The following TYW1B variants were observed in gnomAD, a reference collection of about 807,000 sequenced individuals.
The protein encoded by TYW1B is S-adenosyl-L-methionine-dependent tRNA 4-demethylwyosine synthase TYW1B.
TYW1B carries 73 observed loss-of-function variants against 86.9 expected under a neutral mutation model. That is an observed-to-expected ratio of 0.84 (90% CI 0.70 to 1.02). TYW1B has a LOEUF of 1.02. Ranked by LOEUF, TYW1B falls within the 50% of genes least tolerant of loss-of-function variation. TYW1B has a pLI of 0.00. For synonymous variants in TYW1B, 248 were observed against 292.8 expected, an observed-to-expected ratio of 0.85 and a Z score of 1.56; for missense variants, 637 against 827.4, an observed-to-expected ratio of 0.77 and a Z score of 2.82.
intron 10 of TYW1B, among the ~76,000 whole-genome samples, chr7:72,704,778 G>T (rs1200195757): frequency 6.6e-6 from 1 of 151,942 alleles, no homozygotes; most frequent in African/African-American, 2.4e-5. Context: ...GAGGAAAGTG[G>T]GCACTGAAAA....
chr7:72,805,168 G>A (rs1490833977), intron 5 of TYW1B, among the ~76,000 whole-genome samples: 3 of 150,634 alleles, frequency 2.0e-5, no homozygotes, highest in Non-Finnish European at 3.0e-5. Context: ...ACATCAAAAG[G>A]GGCAATGCTT....
intron 6 of TYW1B, among the ~76,000 whole-genome samples, chr7:72,781,111 G>A (rs1478919719): frequency 7.2e-5 from 11 of 152,066 alleles, no homozygotes; most frequent in African/African-American, 2.7e-4. Context: ...ATTATGTGCA[G>A]TAAACTAGTA....
rs1554237364 is a variant in TYW1B at position 72,662,416 on chromosome 7, A to AAG, written c.1506+32270_1506+32271insCT. On this transcript the variant is annotated intron_variant, in intron 11 of 13. Coordinates refer to ENST00000620995, the MANE Select transcript of TYW1B (RefSeq NM_001145440.3). ...TGATGATATATCCCTTCAGGTTTTT[A>AAG]ATATATATATATAGATAGATAGATA... Among the ~76,000 whole-genome samples, 584 of 137,946 alleles carry AAG rather than the reference A, an allele frequency of 4.2e-3. 2 individuals carry two copies. Among genetic ancestry groups the AAG allele is most frequent in the Non-Finnish European group, 6.4e-3 (408 of 63,288 alleles). 90.5% of individuals were successfully genotyped at this position (137,946 alleles called of 152,430 possible). A position where few individuals can be genotyped will look rare whatever the true frequency, so the allele number is the denominator to read the frequency against.
chr7:72,677,175 GTGTCACTC>G (rs1813755787), intron 11 of TYW1B, among the ~76,000 whole-genome samples: 1 of 152,068 alleles, frequency 6.6e-6, no homozygotes, highest in South Asian at 2.1e-4. Flanking sequence ...TCGAGACAGG[GTGTCACTC>G]TGTCACCTAG....
intron 11 of TYW1B, among the ~76,000 whole-genome samples, chr7:72,664,732 A>G (rs1451029986): frequency 2.6e-5 from 4 of 152,232 alleles, no homozygotes; most frequent in African/African-American, 9.6e-5. Context: ...CAATGTGCAT[A>G]TATACCTTTG....
chr7:72,584,033 CAA>C (rs1180211485), intron 13 of TYW1B, among the ~76,000 whole-genome samples: 3 of 152,266 alleles, frequency 2.0e-5, no homozygotes, highest in African/African-American at 7.2e-5. Flanking sequence ...AAGGAAACGG[CAA>C]AGAGAGGCTT....
At chr7:72,812,744 G>A (rs1554478628) in intron 3 of TYW1B, among the ~76,000 whole-genome samples, 3 of 148,822 alleles carry the variant, frequency 2.0e-5, no homozygotes, top group African/African-American at 7.5e-5. Flanking sequence ...CACCCAGGCT[G>A]GAGTGCAGTG....
At chr7:72,604,441 G>A (rs1166886010) in intron 13 of TYW1B, among the ~76,000 whole-genome samples, 17 of 152,012 alleles carry the variant, frequency 1.1e-4, no homozygotes, top group African/African-American at 3.6e-4. Context: ...CAATCTGGGC[G>A]ACAGAGTGAG....
chr7:72,606,432 G>A (rs1282180106), intron 13 of TYW1B, among the ~76,000 whole-genome samples: 1 of 152,058 alleles, frequency 6.6e-6, no homozygotes, highest in African/African-American at 2.4e-5. Flanking sequence ...GAAGGTGAGT[G>A]GGGAATCCTG....
chr7:72,698,095 C>T (rs1241178229), intron 10 of TYW1B: 2 of 153,178 alleles, frequency 1.3e-5, no homozygotes, highest in African/African-American at 4.8e-5. Context: ...GATATTAAAA[C>T]CTAAATCTCT....
intron 7 of TYW1B, among the ~76,000 whole-genome samples, chr7:72,759,653 C>A (rs1787654535): frequency 6.6e-6 from 1 of 152,092 alleles, no homozygotes; most frequent in Non-Finnish European, 1.5e-5. Context: ...TGTTTTTCTG[C>A]CTATTTTAAA....
intron 7 of TYW1B, among the ~76,000 whole-genome samples, chr7:72,747,936 A>G (rs1554464127): frequency 6.6e-6 from 1 of 152,190 alleles, no homozygotes; most frequent in African/African-American, 2.4e-5. Flanking sequence ...AGTGACTGTA[A>G]ATGAAATTTT....
intron 11 of TYW1B, among the ~76,000 whole-genome samples, chr7:72,632,367 G>GTATATATATTATATATATTATATATATA (rs1195035421): frequency 1.7e-4 from 10 of 60,468 alleles, no homozygotes; most frequent in African/African-American, 9.1e-4. Context: ...ATATATATAC[G>GTATATATATTATATATATTATATATATA]CATATATATT....
intron 11 of TYW1B, among the ~76,000 whole-genome samples, chr7:72,660,850 T>C (rs1339791415): frequency 6.6e-6 from 1 of 151,988 alleles, no homozygotes; most frequent in Non-Finnish European, 1.5e-5. Context: ...TAGGTTCTAA[T>C]GGTGAGCCAG....
At chr7:72,761,363 T>C (rs1178313429) in intron 7 of TYW1B, among the ~76,000 whole-genome samples, 1 of 152,068 alleles carries the variant, frequency 6.6e-6, no homozygotes, top group Non-Finnish European at 1.5e-5. Flanking sequence ...ATTCTATATA[T>C]AAAATGTGCC....
intron 11 of TYW1B, among the ~76,000 whole-genome samples, chr7:72,686,809 G>A (rs1229819572): frequency 2.6e-5 from 4 of 152,018 alleles, no homozygotes; most frequent in African/African-American, 9.7e-5. Context: ...ATGGAATAGG[G>A]GGGATATGGA....
chr7:72,703,005 TATATATATA>T, intron 10 of TYW1B, among the ~76,000 whole-genome samples: 1 of 26,440 alleles, frequency 3.8e-5, no homozygotes, highest in East Asian at 5.9e-4. Flanking sequence ...TATATATATA[TATATATATA>T]TATATATATA....
At chr7:72,736,610 C>A (rs561802345) in intron 8 of TYW1B, among the ~76,000 whole-genome samples, 1 of 152,172 alleles carries the variant, frequency 6.6e-6, no homozygotes, top group South Asian at 2.1e-4. Flanking sequence ...GCTATCCCCT[C>A]GGGTATTGCT....
intron 6 of TYW1B, among the ~76,000 whole-genome samples, chr7:72,799,763 A>G (rs533099761): frequency 6.6e-6 from 1 of 152,246 alleles, no homozygotes; most frequent in African/African-American, 2.4e-5. Flanking sequence ...CCGCACCTGC[A>G]GGTCTGCCTT....
Sources: allele counts gnomAD v4.1 joint callset (sites outside exome capture counted in the v4.1 genomes callset), GRCh38; gene constraint gnomAD v4.1.1; transcripts MANE v1.5; gene names NCBI Gene and HGNC (gene_info 2026-07-23, HGNC 2026-07-21).